The following MYO10 variants were observed in gnomAD, a reference collection of about 807,000 sequenced individuals.
MYO10 encodes the protein unconventional myosin-X.
A neutral mutation model predicts 257.3 loss-of-function variants in MYO10; 133 were observed. That is an observed-to-expected ratio of 0.52 (90% CI 0.45 to 0.60). MYO10 has a LOEUF of 0.60. Ranked by LOEUF, MYO10 falls within the 20% of genes least tolerant of loss-of-function variation. MYO10 has a pLI of 0.00. For synonymous variants in MYO10, 1,104 were observed against 1,028.6 expected, an observed-to-expected ratio of 1.07 and a Z score of -1.40; for missense variants, 2,399 against 2,635.7, an observed-to-expected ratio of 0.91 and a Z score of 1.97.
At chr5:16,843,488 G>T (rs1259987032) in intron 2 of MYO10, among the ~76,000 whole-genome samples, 1 of 151,926 alleles carries the variant, frequency 6.6e-6, no homozygotes, top group Admixed American at 6.6e-5. Context: ...CTTGCCCAGG[G>T]TCCCACAGTT....
At position 16,710,987 on chromosome 5, in the gene MYO10, T is replaced by C; in HGVS notation, c.2090A>G (p.Glu697Gly). The C allele has an allele frequency of 6.2e-7, 1 of 1,613,964 alleles. No individual in the cohort carries two copies. Among genetic ancestry groups the C allele is most frequent in the African/African-American group, 1.3e-5 (1 of 75,052 alleles). ...KVLMRNLALP[E>G]DVRGKCTSLL... ...GCTCGTGCACTTCCCTCGGACGTCC[T>C]CAGGCAGAGCCAGATTCCTCATCAG... Residue 697 changes from glutamate to glycine, a missense_variant, in exon 21 of 41, where the codon GAG becomes GGG. Transcript: ENST00000513610.
intron 2 of MYO10, among the ~76,000 whole-genome samples, chr5:16,823,651 T>A (rs1742908320): frequency 6.7e-6 from 1 of 150,254 alleles, no homozygotes; most frequent in African/African-American, 2.4e-5. Flanking sequence ...TTTTTTGTAT[T>A]TTTAGTAGAG....
intron 18 of MYO10, among the ~76,000 whole-genome samples, chr5:16,757,167 G>T (rs1740553191): frequency 6.8e-6 from 1 of 146,194 alleles, no homozygotes. Context: ...GCTTACACCT[G>T]TAGTGCCAGC....
chr5:16,907,319 C>T (rs1201531312), intron 1 of MYO10, among the ~76,000 whole-genome samples: 2 of 151,930 alleles, frequency 1.3e-5, no homozygotes, highest in African/African-American at 2.4e-5. Flanking sequence ...ACTACACTGC[C>T]TCTCAAATGG....
chr5:16,929,422 G>C, intron 1 of MYO10, among the ~76,000 whole-genome samples: 1 of 152,210 alleles, frequency 6.6e-6, no homozygotes, highest in East Asian at 1.9e-4. Context: ...AGAAGATGAC[G>C]CAAGTTTAAG....
intron 3 of MYO10, among the ~76,000 whole-genome samples, chr5:16,807,230 A>C (rs557656788): frequency 6.6e-6 from 1 of 152,294 alleles, no homozygotes; most frequent in Admixed American, 6.5e-5. Context: ...TTACAGATCC[A>C]TATGTTCAGT....
intron 18 of MYO10, among the ~76,000 whole-genome samples, chr5:16,755,285 C>A (rs1223320239): frequency 6.6e-6 from 1 of 152,226 alleles, no homozygotes; most frequent in Non-Finnish European, 1.5e-5. Context: ...CCTGCCTCAG[C>A]CTCCAGAGTA....
rs539036860 is a variant in MYO10 at position 16,710,500 on chromosome 5, G to A, written c.2169+408C>T. On this transcript the variant is annotated intron_variant, in intron 21 of 40. Transcript: ENST00000513610. Reference sequence around the variant, plus strand: ...CCGGCTACTGATCTCTCGCTCAGTCGCTGCTCTGGTTGCAGGGATAAAAGC... The same window carrying A: ...CCGGCTACTGATCTCTCGCTCAGTCACTGCTCTGGTTGCAGGGATAAAAGC... Among the ~76,000 whole-genome samples, 5 of 152,258 alleles carry A rather than the reference G, an allele frequency of 3.3e-5. No individual in the cohort carries two copies. The South Asian group carries it at 8.3e-4, about 25-fold the overall frequency.
chr5:16,788,838 C>T (rs1312461643), intron 4 of MYO10, among the ~76,000 whole-genome samples: 1 of 152,088 alleles, frequency 6.6e-6, no homozygotes, highest in African/African-American at 2.4e-5. Flanking sequence ...GGCTGTGGAA[C>T]CAAACGAGCA....
chr5:16,666,584 G>A lies in MYO10; in HGVS notation c.*108C>T. On this transcript the variant is annotated 3_prime_UTR_variant, in exon 41 of 41. Coordinates refer to ENST00000513610, the MANE Select transcript of MYO10 (RefSeq NM_012334.3). ...CCCTCAGACCAGAAGCTTCCAGAAA[G>A]CCTGGGCAGCTCTGTGTTTGTTTTG... is the stretch of plus-strand genomic sequence containing the variant. 1.1e-6 allele frequency: 1 copy of A among 886,542 alleles called. No homozygotes were observed. Among genetic ancestry groups the A allele is most frequent in the Admixed American group, 2.8e-5 (1 of 36,076 alleles). 54.9% of individuals were successfully genotyped at this position (886,542 alleles called of 1,614,324 possible).
At chr5:16,741,228 A>C (rs1483356622) in intron 19 of MYO10, among the ~76,000 whole-genome samples, 1 of 152,204 alleles carries the variant, frequency 6.6e-6, no homozygotes, top group East Asian at 1.9e-4. Context: ...AGGTTTTTCC[A>C]GGCCGATTGC....
rs1005087248 is a variant in MYO10, at chr5:16,666,713, G to A, written c.6156C>T (p.Ser2052=). ...GCCTTCACCTGGAGCTGCCCTGGCT[G>A]CTGGCGGAGCGTGTCGTGCTGTAGC... is the stretch of plus-strand genomic sequence containing the variant. ...KKRYSTTRSA[S]SQGSSR Residue 2052 remains serine, a synonymous_variant, in exon 41 of 41, where the codon AGC becomes AGT. Coordinates refer to ENST00000513610, the MANE Select transcript of MYO10 (RefSeq NM_012334.3). 1 of 1,605,102 alleles carries A rather than the reference G, an allele frequency of 6.2e-7. No individual in the cohort carries two copies. Among genetic ancestry groups the A allele is most frequent in the South Asian group, 1.1e-5 (1 of 89,304 alleles).
intron 19 of MYO10, chr5:16,738,199 G>A: frequency 1.0e-6 from 1 of 985,374 alleles, no homozygotes; most frequent in East Asian, 1.1e-4. Flanking sequence ...GAGAAACTGG[G>A]GGCAGAACCC....
Position 16,890,819 on chromosome 5 carries a change from G to A in MYO10, c.22-13112C>T, listed in dbSNP as rs138368942. Among the ~76,000 whole-genome samples, 81 of 151,722 alleles carry A rather than the reference G, an allele frequency of 5.3e-4. 2 individuals are homozygous for A. Among genetic ancestry groups the A allele is most frequent in the South Asian group, 1.5e-3 (7 of 4,802 alleles). ...CATGCCACTGCATTCCAGCCTGGGC[G>A]GCAGAGCAAGACTCTGTCTCAAAAA... On this transcript the variant is annotated intron_variant, in intron 1 of 40. Transcript: ENST00000513610.
chr5:16,856,659 C>T (rs1743968854), intron 2 of MYO10, among the ~76,000 whole-genome samples: 1 of 151,894 alleles, frequency 6.6e-6, no homozygotes, highest in Non-Finnish European at 1.5e-5. Flanking sequence ...ACAGATGGGG[C>T]CTCTTGTCTT....
intron 19 of MYO10, among the ~76,000 whole-genome samples, chr5:16,711,864 C>T (rs1217753723): frequency 6.6e-6 from 1 of 151,968 alleles, no homozygotes; most frequent in Non-Finnish European, 1.5e-5. Flanking sequence ...GTTAATATAA[C>T]ACTAGTATCA....
chr5:16,734,466 T>A (rs1368529129), intron 19 of MYO10, among the ~76,000 whole-genome samples: 1 of 152,172 alleles, frequency 6.6e-6, no homozygotes, highest in East Asian at 1.9e-4. Context: ...CACCTGTTTT[T>A]TGCTGGGAGA....
In MYO10 at chr5:16,825,172, G is replaced by GCCAA. The variant is rs1742963420; in HGVS notation, c.121-7006_121-7005insTTGG. Among the ~76,000 whole-genome samples the GCCAA allele has an allele frequency of 3.3e-5, 5 of 152,136 alleles. No homozygotes were observed. The South Asian group carries it at 1.0e-3, about 32-fold the overall frequency. ...GGATCTTGCACCTCTTCCCATGTCT[G>GCCAA]GGCAACTGTCTTCCTGCTACTCTCC... On this transcript the variant is annotated intron_variant, in intron 2 of 40. Coordinates refer to ENST00000513610, the MANE Select transcript of MYO10 (RefSeq NM_012334.3).
rs776863351 is a variant in MYO10, at chr5:16,668,410, G to C, written c.5942C>G (p.Ser1981Cys). 1.2e-6 allele frequency: 2 copies of C among 1,613,894 alleles called. No individual in the cohort carries two copies. Among genetic ancestry groups the C allele is most frequent in the Non-Finnish European group, 1.7e-6 (2 of 1,179,860 alleles). ...TCTTCCCTCTCCACGCTTGTAGACG[G>C]AGACGGCGTCCGCGCTGACACCCAA... ...LWLGVSADAV[S>C]VYKRGEGRPL... The change falls in exon 40 of 41, where the codon TCC becomes TGC. Residue 1981 changes from serine (S) to cysteine (C), a missense_variant. Physicochemically the swap from Ser to Cys is moderately radical, Grantham distance 112 (BLOSUM62 -1). Transcript: ENST00000513610.
Sources: allele counts gnomAD v4.1 joint callset (sites outside exome capture counted in the v4.1 genomes callset), GRCh38; gene constraint gnomAD v4.1.1; transcripts MANE v1.5; gene names NCBI Gene and HGNC (gene_info 2026-07-23, HGNC 2026-07-21).